Variants in PLAAT3 observed in about 807,000 individuals in gnomAD.
The protein encoded by PLAAT3 is phospholipase A and acyltransferase 3.
In PLAAT3, 21 loss-of-function variants were observed where a neutral mutation model predicts 16.7. That is an observed-to-expected ratio of 1.26 (90% CI 0.89 to 1.81). PLAAT3 has a LOEUF of 1.81. PLAAT3 is among the 40% of genes most tolerant of loss of function. PLAAT3 has a pLI of 0.00. For missense variants in PLAAT3, 219 were observed against 213.7 expected (o/e 1.02, Z -0.16); for synonymous variants, 76 against 81.7 (o/e 0.93, Z 0.38).
rs189072145 is a variant in PLAAT3, at chr11:63,604,042, C to G, written c.16-5879G>C. Among the ~76,000 whole-genome samples, 1,362 of 152,266 alleles carry G rather than the reference C, an allele frequency of 8.9e-3. 11 individuals are homozygous for G. Among genetic ancestry groups the G allele is most frequent in the Non-Finnish European group, 0.013 (851 of 68,028 alleles). The stretch of plus-strand genomic sequence containing the variant: ...TGGCACATGCCTGGAGTCCCAGCCA[C>G]TCGAGAAGCTGAGGCAAGAGAATCA... On this transcript the variant is annotated intron_variant, in intron 2 of 4. Coordinates refer to ENST00000415826, the MANE Select transcript of PLAAT3 (RefSeq NM_001128203.2).
chr11:63,586,245 T>C (rs944186297), intron 4 of PLAAT3, among the ~76,000 whole-genome samples: 2 of 152,174 alleles, frequency 1.3e-5, no homozygotes, highest in Admixed American at 6.5e-5. Flanking sequence ...GCGATTCTCC[T>C]GCCTCAGCCT....
rs542201918 is a variant in PLAAT3 at position 63,576,583 on chromosome 11, A to G, written c.388-1537T>C. Among the ~76,000 whole-genome samples the G allele has an allele frequency of 2.0e-5, 3 of 152,242 alleles. No individual in the cohort carries two copies. The East Asian group carries it at 5.8e-4, about 29-fold the overall frequency. On this transcript the variant is annotated intron_variant, in intron 4 of 4. Transcript: ENST00000415826. Reference sequence around the variant, plus strand: ...ATTTGCAGTGAGCAAAGACTGCGCCATTGGGCTCCGTCCTTGGCAACACAG... The same window carrying G: ...ATTTGCAGTGAGCAAAGACTGCGCCGTTGGGCTCCGTCCTTGGCAACACAG...
chr11:63,615,915 G>A (rs1245005098), upstream of PLAAT3, among the ~76,000 whole-genome samples: 1 of 152,116 alleles, frequency 6.6e-6, no homozygotes. Flanking sequence ...TGACCCACCT[G>A]CCTCAGCCTC....
chr11:63,615,046 A>ATG (rs1289712333), upstream of PLAAT3, among the ~76,000 whole-genome samples: 152 of 13,298 alleles, frequency 0.011, 48 homozygotes, highest in Middle Eastern at 0.25. Flanking sequence ...ATATATGTAT[A>ATG]TATATGTGTA....
intron 2 of PLAAT3, among the ~76,000 whole-genome samples, chr11:63,606,356 C>A (rs977015417): frequency 1.3e-5 from 2 of 151,554 alleles, no homozygotes; most frequent in African/African-American, 2.4e-5. Context: ...GAGGCCGAGG[C>A]GGGTGGATCA....
chr11:63,615,344 A>G (rs1165205184), upstream of PLAAT3, among the ~76,000 whole-genome samples: 10 of 70,968 alleles, frequency 1.4e-4, no homozygotes, highest in Admixed American at 2.2e-4. Flanking sequence ...GTGTGTATAT[A>G]TGTGTGTATA....
intron 4 of PLAAT3, among the ~76,000 whole-genome samples, chr11:63,581,476 T>C (rs1384385550): frequency 1.3e-5 from 2 of 152,176 alleles, no homozygotes; most frequent in Admixed American, 6.5e-5. Flanking sequence ...TCAGGCTTAC[T>C]AGGATTGGGA....
At chr11:63,580,601 C>A (rs1937782891) in intron 4 of PLAAT3, among the ~76,000 whole-genome samples, 1 of 152,164 alleles carries the variant, frequency 6.6e-6, no homozygotes, top group Non-Finnish European at 1.5e-5. Context: ...TTGCAGTGAG[C>A]TGAGATCACG....
In PLAAT3 at chr11:63,574,741, C is replaced by G. The variant is rs537709970; in HGVS notation, c.*204G>C. The G allele has an allele frequency of 1.8e-6, 1 of 558,278 alleles. No homozygotes were observed. Among genetic ancestry groups the G allele is most frequent in the East Asian group, 3.0e-5 (1 of 33,188 alleles). 34.6% of individuals were successfully genotyped at this position (558,278 alleles called of 1,614,324 possible). A position where few individuals can be genotyped will look rare whatever the true frequency, so the allele number is the denominator to read the frequency against. On this transcript the variant is annotated 3_prime_UTR_variant, in exon 5 of 5. Transcript: ENST00000415826. ...ATCCCTGACCAGGAAGACAGCCCGG[C>G]TGTTCCCTGAACAGACTTCACACCA... is the stretch of plus-strand genomic sequence containing the variant.
At chr11:63,593,729 G>A (rs942909490) in intron 3 of PLAAT3, among the ~76,000 whole-genome samples, 12 of 152,166 alleles carry the variant, frequency 7.9e-5, no homozygotes, top group South Asian at 6.2e-4. Context: ...ACAGTGGCGC[G>A]TCACCATGCC....
intron 4 of PLAAT3, among the ~76,000 whole-genome samples, chr11:63,581,165 G>A (rs1032193832): frequency 3.3e-5 from 5 of 152,158 alleles, no homozygotes; most frequent in African/African-American, 1.2e-4. Context: ...TGAACAATAC[G>A]AAATCAGTGC....
At chr11:63,579,638 C>T (rs948869811) in intron 4 of PLAAT3, among the ~76,000 whole-genome samples, 2 of 146,878 alleles carry the variant, frequency 1.4e-5, no homozygotes, top group Non-Finnish European at 3.0e-5. Context: ...AACCAAACAT[C>T]GCATGTTCTC....
At position 63,594,783 on chromosome 11, in the gene PLAAT3, C is replaced by T. The variant is rs575022996; in HGVS notation, c.118+3278G>A. Among the ~76,000 whole-genome samples, 121 of 151,472 alleles carry T rather than the reference C, an allele frequency of 8.0e-4. 1 individual carries two copies. Among genetic ancestry groups the T allele is most frequent in the Non-Finnish European group, 1.4e-3 (97 of 67,982 alleles). On this transcript the variant is annotated intron_variant, in intron 3 of 4. Transcript: ENST00000415826. The stretch of plus-strand genomic sequence containing the variant: ...GGCGTTTGATCAACGGGATATATTA[C>T]AGCTGTCTCTATGTCAATACGAATG...
At chr11:63,608,207 C>T (rs1271485525) in intron 2 of PLAAT3, among the ~76,000 whole-genome samples, 2 of 152,078 alleles carry the variant, frequency 1.3e-5, no homozygotes, top group Non-Finnish European at 2.9e-5. Flanking sequence ...TTAATTAAAA[C>T]AAAGTTCCCA....
upstream of PLAAT3, among the ~76,000 whole-genome samples, chr11:63,615,034 A>ATATATATG (rs1555047761): frequency 8.3e-3 from 232 of 28,060 alleles, 37 homozygotes; most frequent in Non-Finnish European, 0.018. Context: ...ATATGTGTGT[A>ATATATATG]TATATATGTA....
chr11:63,593,740 C>T (rs1240178219), intron 3 of PLAAT3, among the ~76,000 whole-genome samples: 7 of 152,152 alleles, frequency 4.6e-5, no homozygotes, highest in Non-Finnish European at 7.4e-5. Flanking sequence ...TCACCATGCC[C>T]GACTAATTTT....
chr11:63,595,881 T>C (rs1232351503), intron 3 of PLAAT3, among the ~76,000 whole-genome samples: 1 of 152,170 alleles, frequency 6.6e-6, no homozygotes, highest in Non-Finnish European at 1.5e-5. Context: ...GAATGGAAAC[T>C]GGATTCATAA....
At chr11:63,613,855 A>C in intron 2 of PLAAT3, 145 bp downstream of exon 2, 1 of 648,766 alleles carries the variant, frequency 1.5e-6, no homozygotes, top group South Asian at 1.8e-5. Flanking sequence ...CGCAGCTGAC[A>C]CCGATGCCTC....
chr11:63,583,994 T>C lies in PLAAT3; in HGVS notation c.387+6106A>G, dbSNP rs115949710. 8.4e-3 allele frequency among the ~76,000 whole-genome samples: 1,285 copies of C among 152,330 alleles called. 20 individuals carry two copies. The highest frequency in any genetic ancestry group is 0.03 in the African/African-American group (1,239 of 41,584). ...AGAAGAAGTGGAGATAGTAGTGTTA[T>C]TCTGAAAGCAATCCAATTGAGACTG... On this transcript the variant is annotated intron_variant, in intron 4 of 4. Transcript: ENST00000415826.
Sources: allele counts gnomAD v4.1 joint callset (sites outside exome capture counted in the v4.1 genomes callset), GRCh38; gene constraint gnomAD v4.1.1; transcripts MANE v1.5; gene names NCBI Gene and HGNC (gene_info 2026-07-23, HGNC 2026-07-21).